MCU: variants seen among roughly 807,000 people sequenced by gnomAD.
The protein encoded by MCU is calcium uniporter protein, mitochondrial.
In MCU, 12 loss-of-function variants were observed where a neutral mutation model predicts 45.2. The ratio of observed to expected loss-of-function variants is 0.27; its 90% CI spans 0.17 to 0.43. The LOEUF (loss-of-function observed/expected upper bound fraction) is 0.43, where lower values mean the gene tolerates loss of function less well. Among genes scored for constraint, MCU ranks in the 20% least tolerant of loss-of-function variants. The probability of loss-of-function intolerance (pLI) is 1.00; values close to 1 mark genes in which losing one functional copy is unlikely to be tolerated. For missense variants in MCU, 324 were observed against 436.7 expected (o/e 0.74, Z 2.30); for synonymous variants, 160 against 165.1 (o/e 0.97, Z 0.24).
chr10:72,844,584 T>C lies in MCU; in HGVS notation c.220+10156T>C, dbSNP rs994735135. ...GACTCTGTCTCAAAAAATATATATA[T>C]ATAGATATTCTGAGGATATTTTTGC... On this transcript the variant is annotated intron_variant, in intron 2 of 7. Transcript: ENST00000373053. Among the ~76,000 whole-genome samples the C allele has an allele frequency of 2.0e-5, 3 of 151,982 alleles. No homozygotes were observed. The East Asian group carries it at 5.8e-4, about 29-fold the overall frequency.
At chr10:72,844,937 G>A (rs1282158535) in intron 2 of MCU, among the ~76,000 whole-genome samples, 1 of 152,064 alleles carries the variant, frequency 6.6e-6, no homozygotes, top group Admixed American at 6.5e-5. Flanking sequence ...CAAAACCCCA[G>A]TAGGAGCTGA....
At chr10:72,880,970 T>A (rs1589512121) in intron 6 of MCU, among the ~76,000 whole-genome samples, 2 of 152,056 alleles carry the variant, frequency 1.3e-5, no homozygotes, top group South Asian at 2.1e-4. Context: ...GCTAAAAAAA[T>A]TTTTTTAAAT....
chr10:72,705,712 G>C (rs1397157788), intron 1 of MCU, among the ~76,000 whole-genome samples: 20 of 152,212 alleles, frequency 1.3e-4, no homozygotes, highest in Non-Finnish European at 1.5e-5. Flanking sequence ...CAGCTACTTG[G>C]GGGGCTGAGG....
At chr10:72,725,166 C>A (rs1843079665) in intron 1 of MCU, among the ~76,000 whole-genome samples, 1 of 151,708 alleles carries the variant, frequency 6.6e-6, no homozygotes, top group East Asian at 1.9e-4. Context: ...CGCTCTGTCA[C>A]CCAGGCTGGA....
chr10:72,726,386 C>G (rs1404555662), intron 1 of MCU, among the ~76,000 whole-genome samples: 1 of 152,066 alleles, frequency 6.6e-6, no homozygotes, highest in Admixed American at 6.6e-5. Flanking sequence ...TCAACTGATA[C>G]AGCTCTGTCA....
intron 1 of MCU, among the ~76,000 whole-genome samples, chr10:72,705,818 CAAA>C (rs751510514): frequency 7.7e-6 from 1 of 129,428 alleles, no homozygotes; most frequent in South Asian, 2.5e-4. Context: ...AACTCCGTCT[CAAA>C]AAAAAAAAAA....
intron 1 of MCU, among the ~76,000 whole-genome samples, chr10:72,776,590 G>A (rs1843897652): frequency 6.6e-6 from 1 of 152,178 alleles, no homozygotes; most frequent in Non-Finnish European, 1.5e-5. Context: ...GGCCATAAAT[G>A]ACAAACTCAT....
At chr10:72,881,364 G>A (rs575466784) in intron 6 of MCU, among the ~76,000 whole-genome samples, 60 of 152,042 alleles carry the variant, frequency 3.9e-4, no homozygotes, top group Non-Finnish European at 6.3e-4. Context: ...TTTCTTACAC[G>A]GAATGAAAAG....
At chr10:72,835,499 T>C (rs569468251) in intron 2 of MCU, among the ~76,000 whole-genome samples, 11 of 152,200 alleles carry the variant, frequency 7.2e-5, no homozygotes, top group South Asian at 6.2e-4. Context: ...TGCCTAAAAC[T>C]AAAGAAGCCC....
At chr10:72,727,378 C>A (rs1388130621) in intron 1 of MCU, among the ~76,000 whole-genome samples, 2 of 152,224 alleles carry the variant, frequency 1.3e-5, no homozygotes, top group Non-Finnish European at 2.9e-5. Flanking sequence ...CTGATAATAT[C>A]TCCTATCGAG....
At chr10:72,751,351 T>C (rs1843494828) in intron 1 of MCU, among the ~76,000 whole-genome samples, 1 of 104,870 alleles carries the variant, frequency 9.5e-6, no homozygotes, top group African/African-American at 5.2e-5. Context: ...CTTTTTTTTT[T>C]TTTTTTTTTT....
chr10:72,745,678 AT>A (rs1217856824), intron 1 of MCU, among the ~76,000 whole-genome samples: 3 of 152,128 alleles, frequency 2.0e-5, no homozygotes, highest in Non-Finnish European at 4.4e-5. Flanking sequence ...ATATTATAAT[AT>A]GGTATATTAC....
intron 1 of MCU, among the ~76,000 whole-genome samples, chr10:72,788,252 T>C (rs1844105760): frequency 6.6e-6 from 1 of 152,236 alleles, no homozygotes; most frequent in Non-Finnish European, 1.5e-5. Flanking sequence ...AACAACTCAA[T>C]GACTGCTTTT....
chr10:72,735,554 A>G (rs755128574), intron 1 of MCU, among the ~76,000 whole-genome samples: 10 of 152,208 alleles, frequency 6.6e-5, no homozygotes, highest in Non-Finnish European at 2.9e-5. Flanking sequence ...GTTCATGTCT[A>G]GGTACCTTAT....
At chr10:72,699,992 C>T (rs1317382340) in intron 1 of MCU, among the ~76,000 whole-genome samples, 1 of 151,826 alleles carries the variant, frequency 6.6e-6, no homozygotes, top group Admixed American at 6.6e-5. Context: ...TACTAAATTA[C>T]ACAATTCTTT....
At chr10:72,785,590 C>G (rs1220183347) in intron 1 of MCU, among the ~76,000 whole-genome samples, 1 of 152,152 alleles carries the variant, frequency 6.6e-6, no homozygotes, top group African/African-American at 2.4e-5. Context: ...TGTGTGTTGG[C>G]TCATAGTCCA....
Position 72,821,677 on chromosome 10 carries a change from A to C in MCU, c.151-12682A>C, listed in dbSNP as rs1172594662. On this transcript the variant is annotated intron_variant, in intron 1 of 7. Transcript: ENST00000373053. ...AATCTTAACTTTACAAGGATAGAAT[A>C]TCTCTCTAGGCTGTGAGGAAACAAA... Among the ~76,000 whole-genome samples, 3 of 152,286 alleles carry C rather than the reference A, an allele frequency of 2.0e-5. No individual in the cohort carries two copies. In the South Asian group the frequency reaches 6.2e-4, roughly 32 times the overall value.
intron 6 of MCU, among the ~76,000 whole-genome samples, chr10:72,877,173 G>A: frequency 6.6e-6 from 1 of 152,066 alleles, no homozygotes; most frequent in Non-Finnish European, 1.5e-5. Context: ...CTCCGCCTCA[G>A]CCTCTCAAAA....
chr10:72,704,686 C>T (rs1433642794), intron 1 of MCU, among the ~76,000 whole-genome samples: 2 of 148,886 alleles, frequency 1.3e-5, no homozygotes, highest in Non-Finnish European at 3.0e-5. Context: ...TACAGGCATG[C>T]ACTGTCATGC....
Sources: allele counts gnomAD v4.1 joint callset (sites outside exome capture counted in the v4.1 genomes callset), GRCh38; gene constraint gnomAD v4.1.1; transcripts MANE v1.5; gene names NCBI Gene and HGNC (gene_info 2026-07-23, HGNC 2026-07-21).